The following AGPAT4 variants were observed in gnomAD, a reference collection of about 807,000 sequenced individuals.
AGPAT4 encodes 1-acyl-sn-glycerol-3-phosphate acyltransferase delta.
AGPAT4 carries 15 observed loss-of-function variants against 48.0 expected under a neutral mutation model. That is an observed-to-expected ratio of 0.31 (90% CI 0.21 to 0.48). The LOEUF is 0.48. AGPAT4 is among the 20% of genes least tolerant of loss of function. AGPAT4 has a pLI of 0.99. For missense variants in AGPAT4, 314 were observed against 482.5 expected (o/e 0.65, Z 3.27); for synonymous variants, 178 against 198.7 (o/e 0.90, Z 0.88).
intron 2 of AGPAT4, among the ~76,000 whole-genome samples, chr6:161,193,372 C>G (rs1450354113): frequency 1.3e-5 from 2 of 152,182 alleles, no homozygotes; most frequent in Non-Finnish European, 2.9e-5. Flanking sequence ...TTAATTTTTA[C>G]AGTTTATTGT....
At chr6:161,273,588 C>T (rs556459902) in intron 1 of AGPAT4, among the ~76,000 whole-genome samples, 2 of 152,232 alleles carry the variant, frequency 1.3e-5, no homozygotes, top group East Asian at 3.9e-4. Context: ...CCCCGCCCAG[C>T]TTCGTCTATA....
At position 161,232,353 on chromosome 6, in the gene AGPAT4, G is replaced by A; in HGVS notation, c.-89-51C>T. The A allele has an allele frequency of 1.2e-6, 1 of 852,488 alleles. No homozygotes were observed. The highest frequency in any genetic ancestry group is 1.8e-6 in the Non-Finnish European group (1 of 569,926). The allele number at this position is 852,488 out of a possible 1,614,324, so 52.8% of individuals were successfully genotyped here. ...TTAGCAAAAACACGATGTGCTTTTA[G>A]AGTCAGAAAAAAAGTGCTCTGAAAA... On this transcript the variant is annotated intron_variant, in intron 1 of 8. Transcript: ENST00000320285. The surrounding 1 kb of genome is among the most constrained non-coding windows in gnomAD (Gnocchi z 6.8).
chr6:161,185,173 G>GC (rs1780732384), intron 2 of AGPAT4, among the ~76,000 whole-genome samples: 2 of 147,964 alleles, frequency 1.4e-5, no homozygotes, highest in African/African-American at 5.0e-5. Context: ...GAGGGAGATA[G>GC]TTTGGAAACA....
chr6:161,153,554 G>A (rs550519760), intron 4 of AGPAT4, 55 bp from the exon 5 acceptor site: 2 of 1,594,214 alleles, frequency 1.3e-6, no homozygotes, highest in Admixed American at 1.7e-5. Flanking sequence ...CACAGCCCTG[G>A]GGTCATGCAT....
intron 2 of AGPAT4, among the ~76,000 whole-genome samples, chr6:161,170,339 G>A (rs555329112): frequency 5.3e-5 from 8 of 152,132 alleles, no homozygotes; most frequent in Admixed American, 1.3e-4. Context: ...AACCCTGACC[G>A]AGAGACACTT....
chr6:161,150,834 C>T (rs1288740845), intron 5 of AGPAT4, among the ~76,000 whole-genome samples: 1 of 152,216 alleles, frequency 6.6e-6, no homozygotes, highest in East Asian at 1.9e-4. Flanking sequence ...GCTGTGTGGA[C>T]CATGACTGTA....
At chr6:161,174,713 C>A (rs997012651) in intron 2 of AGPAT4, among the ~76,000 whole-genome samples, 3 of 152,144 alleles carry the variant, frequency 2.0e-5, no homozygotes, top group African/African-American at 7.2e-5. Flanking sequence ...GAGGGCATCC[C>A]TGTCTTGTGC....
At chr6:161,199,191 T>C (rs1361140287) in intron 2 of AGPAT4, among the ~76,000 whole-genome samples, 1 of 151,996 alleles carries the variant, frequency 6.6e-6, no homozygotes, top group Non-Finnish European at 1.5e-5. Flanking sequence ...TGCAGAAACA[T>C]ACAAAAAAGC....
rs975343618 is a variant in AGPAT4, at chr6:161,159,370, T to A, written c.349-5060A>T. On this transcript the variant is annotated intron_variant, in intron 3 of 8. Transcript: ENST00000320285. This position sits in a 1 kb window ranked among gnomAD's most constrained non-coding sequence, Gnocchi z 4.1. ...GAACTCAATGCTGGTTATGATTACC[T>A]GTGGCCTTGAGGTGCCCAGAGTCTA... 1.3e-5 allele frequency among the ~76,000 whole-genome samples: 2 copies of A among 152,204 alleles called. No homozygotes were observed. The highest frequency in any genetic ancestry group is 2.4e-5 in the African/African-American group (1 of 41,460).
chr6:161,173,096 A>G (rs1026023383), intron 2 of AGPAT4, among the ~76,000 whole-genome samples: 8 of 152,230 alleles, frequency 5.3e-5, no homozygotes, highest in Non-Finnish European at 1.0e-4. Flanking sequence ...TAGTGCCACA[A>G]TAAACATATG....
rs1582920364 is a variant in AGPAT4, at chr6:161,264,046, G to A, written c.-90+9892C>T. ...CACAGGGCTGGGGGCAAGCTGAAATGAGGTGTTATACAAAGCAGACAGCTT... is the reference window on the plus strand; with the variant it reads ...CACAGGGCTGGGGGCAAGCTGAAATAAGGTGTTATACAAAGCAGACAGCTT... On this transcript the variant is annotated intron_variant, in intron 1 of 8. Coordinates refer to ENST00000320285, the MANE Select transcript of AGPAT4 (RefSeq NM_020133.3). The surrounding 1 kb of genome is among the most constrained non-coding windows in gnomAD (Gnocchi z 6.8). 6.6e-6 allele frequency among the ~76,000 whole-genome samples: 1 copy of A among 152,224 alleles called. No homozygotes were observed.
rs1779713846 is a variant in AGPAT4, at chr6:161,154,629, T to C, written c.349-319A>G. 6.6e-6 allele frequency among the ~76,000 whole-genome samples: 1 copy of C among 152,070 alleles called. No individual in the cohort carries two copies. The highest frequency in any genetic ancestry group is 1.5e-5 in the Non-Finnish European group (1 of 67,998). ...GGTCCTGACGATGCTCCCACCACCA[T>C]CCAAACGGTTTCTAGGTTATCACCG... On this transcript the variant is annotated intron_variant, in intron 3 of 8. Transcript: ENST00000320285. The surrounding 1 kb of genome is among the most constrained non-coding windows in gnomAD (Gnocchi z 7.8).
At chr6:161,170,650 G>A (rs749064496) in intron 2 of AGPAT4, among the ~76,000 whole-genome samples, 2 of 152,182 alleles carry the variant, frequency 1.3e-5, no homozygotes, top group Non-Finnish European at 2.9e-5. Flanking sequence ...CTGTGTGGTT[G>A]CTTTCAATGC....
At chr6:161,153,994 T>C in intron 4 of AGPAT4, 155 bp downstream of exon 4, 2 of 988,600 alleles carry the variant, frequency 2.0e-6, no homozygotes, top group Non-Finnish European at 1.5e-6. Context: ...CATGGTCACA[T>C]ACATCCCTGA....
At position 161,148,421 on chromosome 6, in the gene AGPAT4, G is replaced by C. The variant is rs1311248935; in HGVS notation, c.767+766C>G. On this transcript the variant is annotated intron_variant, in intron 6 of 8. Coordinates refer to ENST00000320285, the MANE Select transcript of AGPAT4 (RefSeq NM_020133.3). This position sits in a 1 kb window ranked among gnomAD's most constrained non-coding sequence, Gnocchi z 5.5. ...TGGTGTGGCCTGGTGGGAATGTAGG[G>C]CCCCTGGATTTTCAGGGTGCTGTGT... 1.3e-5 allele frequency among the ~76,000 whole-genome samples: 2 copies of C among 152,188 alleles called. No individual in the cohort carries two copies. Among genetic ancestry groups the C allele is most frequent in the African/African-American group, 4.8e-5 (2 of 41,450 alleles).
Position 161,264,463 on chromosome 6 carries a change from C to T in AGPAT4, c.-90+9475G>A, listed in dbSNP as rs953336744. ...TGCACACTGGGACCAATACTCCCCA[C>T]TTCCAGACCTAACGTGGGGGCTGTT... On this transcript the variant is annotated intron_variant, in intron 1 of 8. Transcript: ENST00000320285. This position sits in a 1 kb window ranked among gnomAD's most constrained non-coding sequence, Gnocchi z 6.8. Among the ~76,000 whole-genome samples the T allele has an allele frequency of 6.6e-6, 1 of 152,212 alleles. No individual in the cohort carries two copies. Among genetic ancestry groups the T allele is most frequent in the Non-Finnish European group, 1.5e-5 (1 of 68,040 alleles).
chr6:161,222,826 G>T lies in AGPAT4; in HGVS notation c.178+9210C>A, dbSNP rs1054256833. On this transcript the variant is annotated intron_variant, in intron 2 of 8. Transcript: ENST00000320285. This position sits in a 1 kb window ranked among gnomAD's most constrained non-coding sequence, Gnocchi z 5.9. Reference sequence around the variant, plus strand: ...TTCCTCTGGCCTCATTCATTTGCACGGTGGCCTCACGACACAGCAAGGCCA... The same window carrying T: ...TTCCTCTGGCCTCATTCATTTGCACTGTGGCCTCACGACACAGCAAGGCCA... Among the ~76,000 whole-genome samples, 1 of 152,068 alleles carries T rather than the reference G, an allele frequency of 6.6e-6. No individual in the cohort carries two copies. The highest frequency in any genetic ancestry group is 1.5e-5 in the Non-Finnish European group (1 of 68,018).
intron 1 of AGPAT4, among the ~76,000 whole-genome samples, chr6:161,256,071 C>T (rs549623031): frequency 3.3e-5 from 5 of 152,290 alleles, no homozygotes; most frequent in African/African-American, 1.2e-4. Context: ...ACTCCACCCT[C>T]ACCCAGGCAG....
rs1293462189 is a variant in AGPAT4, at chr6:161,264,214, CA to C, written c.-90+9723del. Among the ~76,000 whole-genome samples, 3 of 152,150 alleles carry C rather than the reference CA, an allele frequency of 2.0e-5. No homozygotes were observed. Among genetic ancestry groups the C allele is most frequent in the African/African-American group, 7.2e-5 (3 of 41,432 alleles). On this transcript the variant is annotated intron_variant, in intron 1 of 8. Coordinates refer to ENST00000320285, the MANE Select transcript of AGPAT4 (RefSeq NM_020133.3). The surrounding 1 kb of genome is among the most constrained non-coding windows in gnomAD (Gnocchi z 6.8). ...CCCTATATTTACTATCTCAGGGCGTCAAAGACACCCTCCATACAACAAGTTA... is the reference window on the plus strand; with the variant it reads ...CCCTATATTTACTATCTCAGGGCGTCAAGACACCCTCCATACAACAAGTTA...
Sources: allele counts gnomAD v4.1 joint callset (sites outside exome capture counted in the v4.1 genomes callset), GRCh38; gene constraint gnomAD v4.1.1; non-coding constraint Gnocchi (gnomAD v3.1); transcripts MANE v1.5; gene names NCBI Gene and HGNC (gene_info 2026-07-23, HGNC 2026-07-21).